Variants in CNNM4 observed in about 807,000 individuals in gnomAD.
CNNM4 encodes metal transporter CNNM4.
In CNNM4, 32 loss-of-function variants were observed where a neutral mutation model predicts 53.7. The ratio of observed to expected loss-of-function variants is 0.60; its 90% confidence interval spans 0.45 to 0.80. The LOEUF (loss-of-function observed/expected upper bound fraction) is 0.80, where lower values mean the gene tolerates loss of function less well. CNNM4 is among the 30% of genes least tolerant of loss of function. CNNM4 has a pLI of 0.00. For missense variants in CNNM4, 784 were observed against 1,022.0 expected (o/e 0.77, Z 3.17); for synonymous variants, 410 against 440.0 (o/e 0.93, Z 0.85).
intron 1 of CNNM4, among the ~76,000 whole-genome samples, chr2:96,789,348 A>T (rs889502895): frequency 1.3e-5 from 2 of 152,110 alleles, no homozygotes; most frequent in African/African-American, 4.8e-5. Context: ...GCTGTGAGGG[A>T]CTCAGGCAGG....
chr2:96,769,669 C>T (rs986396441), intron 1 of CNNM4, among the ~76,000 whole-genome samples: 2 of 151,982 alleles, frequency 1.3e-5, no homozygotes, highest in African/African-American at 4.8e-5. Context: ...CGAAGAGAAC[C>T]AAGGGGGCAC....
At chr2:96,792,028 C>T (rs1285360962) in intron 1 of CNNM4, among the ~76,000 whole-genome samples, 1 of 151,090 alleles carries the variant, frequency 6.6e-6, no homozygotes, top group Non-Finnish European at 1.5e-5. Context: ...CCGAGGTGGG[C>T]TGAACACTTG....
chr2:96,779,556 T>C (rs956941409), intron 1 of CNNM4, among the ~76,000 whole-genome samples: 2 of 151,926 alleles, frequency 1.3e-5, no homozygotes, highest in African/African-American at 4.8e-5. Flanking sequence ...GGACTTTGTA[T>C]TGAGAAGATC....
chr2:96,772,912 G>GCA (rs975446245), intron 1 of CNNM4, among the ~76,000 whole-genome samples: 2 of 122,168 alleles, frequency 1.6e-5, no homozygotes, highest in East Asian at 5.1e-4. Context: ...ACCCATGCAC[G>GCA]CACACACACA....
intron 1 of CNNM4, among the ~76,000 whole-genome samples, chr2:96,782,899 CTG>C (rs1285660504): frequency 6.6e-6 from 1 of 152,060 alleles, no homozygotes. Context: ...AACATGGGAC[CTG>C]TGGGCTCTTT....
At position 96,762,090 on chromosome 2, in the gene CNNM4, G is replaced by A. The variant is rs761389793; in HGVS notation, c.1091G>A (p.Gly364Asp). Residue 364 changes from glycine to aspartate, a missense_variant, in exon 1 of 7, where the codon GGT becomes GAT. By Grantham distance (94) the Gly-to-Asp change is moderately conservative. Transcript: ENST00000377075. ...LVKEELNMIQ[G>D]ALELRTKTVE... ...AAAGAGGAGCTCAATATGATCCAGG[G>A]TGCCCTGGAACTACGGACCAAAACT... 2 of 1,614,114 alleles carry A rather than the reference G, an allele frequency of 1.2e-6. No homozygotes were observed. The highest frequency in any genetic ancestry group is 1.7e-6 in the Non-Finnish European group (2 of 1,180,036).
intron 1 of CNNM4, among the ~76,000 whole-genome samples, chr2:96,778,035 T>G (rs1470065279): frequency 6.6e-6 from 1 of 151,204 alleles, no homozygotes; most frequent in African/African-American, 2.4e-5. Context: ...ACTGGCTAAT[T>G]TTTGTATATT....
intron 1 of CNNM4, among the ~76,000 whole-genome samples, chr2:96,785,689 A>G (rs2079010668): frequency 6.6e-6 from 1 of 151,762 alleles, no homozygotes; most frequent in South Asian, 2.1e-4. Context: ...CGGTAGTCCC[A>G]GCTATTCTGG....
chr2:96,768,120 G>A (rs777680274), intron 1 of CNNM4, among the ~76,000 whole-genome samples: 1 of 152,124 alleles, frequency 6.6e-6, no homozygotes, highest in Non-Finnish European at 1.5e-5. Context: ...TTTCATCTAG[G>A]CTGTGTCAGA....
At chr2:96,796,852 T>C (rs539607385) in intron 1 of CNNM4, among the ~76,000 whole-genome samples, 160 bp from the exon 2 acceptor site, 1 of 152,346 alleles carries the variant, frequency 6.6e-6, no homozygotes, top group South Asian at 2.1e-4. Context: ...AAAAGCAATG[T>C]CTGTTTGCAG....
rs757791003 is a variant in CNNM4, at chr2:96,762,381, T to C, written c.1382T>C (p.Met461Thr). The C allele has an allele frequency of 2.2e-5, 36 of 1,614,028 alleles. No individual in the cohort carries two copies. Among genetic ancestry groups the C allele is most frequent in the Non-Finnish European group, 2.9e-5 (34 of 1,180,038 alleles). Residue 461 changes from methionine (M) to threonine (T), a missense_variant, in exon 1 of 7, where the codon ATG (methionine) becomes ACG (threonine). Around this residue, in one of 3 missense-constraint regions of CNNM4, gnomAD observed 473 missense variants for 624.6 expected, o/e 0.76. Transcript: ENST00000377075. ...TTCCATGACACCAAGTTGGATGCCA[T>C]GCTGGAGGAGTTCAAGAAGGGTAAG... is the stretch of plus-strand genomic sequence containing the variant. ...FVFHDTKLDA[M>T]LEEFKKGKSH...
intron 5 of CNNM4, among the ~76,000 whole-genome samples, chr2:96,805,418 GT>G (rs898761608): frequency 0.026 from 1,993 of 76,228 alleles, 18 homozygotes; most frequent in Middle Eastern, 0.062. Context: ...CTTCTTTTCA[GT>G]TTTTTTTTTT....
chr2:96,790,596 C>T (rs1445939597), intron 1 of CNNM4, among the ~76,000 whole-genome samples: 7 of 151,170 alleles, frequency 4.6e-5, no homozygotes, highest in South Asian at 2.1e-4. Context: ...TCAGGTGATC[C>T]GCCTGCCTCG....
intron 1 of CNNM4, among the ~76,000 whole-genome samples, chr2:96,782,925 G>T (rs1392349381): frequency 6.6e-6 from 1 of 152,096 alleles, no homozygotes; most frequent in Non-Finnish European, 1.5e-5. Context: ...AGTGGTCCAC[G>T]CTGGGAATGG....
intron 1 of CNNM4, among the ~76,000 whole-genome samples, chr2:96,765,296 T>G (rs1380323597): frequency 6.6e-6 from 1 of 151,616 alleles, no homozygotes; most frequent in Admixed American, 6.6e-5. Flanking sequence ...CTGGCTAATT[T>G]TGTTTATTTA....
In CNNM4 at chr2:96,777,180, C is replaced by T. The variant is rs529640655; in HGVS notation, c.1402+14779C>T. Among the ~76,000 whole-genome samples the T allele has an allele frequency of 9.2e-5, 14 of 151,998 alleles. No homozygotes were observed. In the East Asian group the frequency reaches 2.7e-3, roughly 30 times the overall value. On this transcript the variant is annotated intron_variant, in intron 1 of 6. Coordinates refer to ENST00000377075, the MANE Select transcript of CNNM4 (RefSeq NM_020184.4). ...GGACTACAGGAGCGCGCCACCACACCCAGCTAATGTTTGTATTTTTAGTAG... is the reference window on the plus strand; with the variant it reads ...GGACTACAGGAGCGCGCCACCACACTCAGCTAATGTTTGTATTTTTAGTAG...
Position 96,761,807 on chromosome 2 carries a change from A to C in CNNM4, c.808A>C (p.Met270Leu). ...LLDNLIGSGL[M>L]AVASSTIGIV... ...AGACAACCTCATCGGGTCCGGCCTC[A>C]TGGCGGTGGCCTCCTCCACCATTGG... is the stretch of plus-strand genomic sequence containing the variant. The change falls in exon 1 of 7, where the codon ATG becomes CTG. Residue 270 changes from methionine (M) to leucine (L), a missense_variant. Physicochemically the swap from Met to Leu is conservative, Grantham distance 15. This residue lies in a region of CNNM4 where 473 missense variants were observed against 624.6 expected (regional missense o/e 0.76). Transcript: ENST00000377075. This position sits in a 1 kb window ranked among gnomAD's most constrained non-coding sequence, Gnocchi z 6.0. 1 of 1,613,918 alleles carries C rather than the reference A, an allele frequency of 6.2e-7. No individual in the cohort carries two copies. Among genetic ancestry groups the C allele is most frequent in the South Asian group, 1.1e-5 (1 of 91,076 alleles).
intron 1 of CNNM4, among the ~76,000 whole-genome samples, chr2:96,784,842 G>A (rs1445512988): frequency 6.6e-6 from 1 of 152,200 alleles, no homozygotes; most frequent in Admixed American, 6.5e-5. Flanking sequence ...ACCATGTCCT[G>A]TGCGAAGAGG....
In CNNM4 at chr2:96,761,926, T is replaced by C. The variant is rs373657140; in HGVS notation, c.927T>C (p.Phe309=). 79 of 1,614,050 alleles carry C rather than the reference T, an allele frequency of 4.9e-5. No homozygotes were observed. The highest frequency in any genetic ancestry group is 6.4e-5 in the Non-Finnish European group (75 of 1,180,040). Residue 309 remains phenylalanine (F), a synonymous_variant, in exon 1 of 7, where the codon TTT becomes TTC. Coordinates refer to ENST00000377075, the MANE Select transcript of CNNM4 (RefSeq NM_020184.4). This position sits in a 1 kb window ranked among gnomAD's most constrained non-coding sequence, Gnocchi z 6.0. ...GANTILLTKF[F]MLLTFPLSFP... is the part of the protein sequence containing the mutation. ...ACACCATCCTTCTCACCAAATTCTT[T>C]ATGCTACTCACCTTCCCCCTCAGTT... is the stretch of plus-strand genomic sequence containing the variant.
Sources: gnomAD v4.1 joint callset for allele counts (sites outside exome capture counted in the v4.1 genomes callset) on GRCh38, gnomAD v4.1.1 for gene constraint, gnomAD v4.1.1 regional missense constraint, Gnocchi (gnomAD v3.1) non-coding constraint, MANE v1.5 for transcripts, NCBI Gene and HGNC (gene_info 2026-07-23, HGNC 2026-07-21) for gene names.